VCP: variants seen among roughly 807,000 people sequenced by gnomAD.
VCP encodes valosin containing protein.
A neutral mutation model predicts 85.7 loss-of-function variants in VCP; 6 were observed. That is an observed-to-expected ratio of 0.07 (90% CI 0.04 to 0.14). The LOEUF (loss-of-function observed/expected upper bound fraction) is 0.14. Among genes scored for constraint, VCP ranks in the 10% least tolerant of loss-of-function variants. VCP has a pLI of 1.00. For missense variants in VCP, 353 were observed against 1,043.4 expected (o/e 0.34, Z 9.12); for synonymous variants, 384 against 367.1 (o/e 1.05, Z -0.53).
Position 35,061,775 on chromosome 9 carries a change from A to T in VCP, c.1082-86T>A, listed in dbSNP as rs914799892. The T allele has an allele frequency of 1.0e-5, 14 of 1,389,912 alleles. No individual in the cohort carries two copies. The African/African-American group carries it at 1.8e-4, about 18-fold the overall frequency. The allele number at this position is 1,389,912 out of a possible 1,614,324, so 86.1% of individuals were successfully genotyped here. Reference sequence around the variant, plus strand: ...CCTAGGGTGACCAACCATCTCAGCCAGCACAGGATTGTCCTAATGCCAGCA... The same window carrying T: ...CCTAGGGTGACCAACCATCTCAGCCTGCACAGGATTGTCCTAATGCCAGCA... On this transcript the variant is annotated intron_variant, in intron 9 of 16. Coordinates refer to ENST00000358901, the MANE Select transcript of VCP (RefSeq NM_007126.5).
At chr9:35,069,445 T>G (rs1218166819) in intron 1 of VCP, among the ~76,000 whole-genome samples, 3 of 46,338 alleles carry the variant, frequency 6.5e-5, no homozygotes, top group Admixed American at 3.7e-4. Flanking sequence ...TCCCTCTCCC[T>G]TTTTTTTTTT....
chr9:35,068,902 T>C (rs1587131425), intron 1 of VCP, among the ~76,000 whole-genome samples: 2 of 152,194 alleles, frequency 1.3e-5, no homozygotes, highest in Admixed American at 1.3e-4. Flanking sequence ...ATGCTTAACA[T>C]AATACCTGGC....
intron 15 of VCP, among the ~76,000 whole-genome samples, chr9:35,058,183 T>C (rs1311247657): frequency 6.6e-6 from 1 of 152,078 alleles, no homozygotes; most frequent in African/African-American, 2.4e-5. Flanking sequence ...CTTATGTGAC[T>C]ACCTCCTAGG....
intron 7 of VCP, 100 bp from the exon 8 acceptor site, chr9:35,062,450 G>A: frequency 1.9e-6 from 3 of 1,577,654 alleles, no homozygotes; most frequent in Non-Finnish European, 2.6e-6. Flanking sequence ...GACAGGTCCT[G>A]GGTGAGAAGG....
At chr9:35,068,136 T>C in intron 2 of VCP, 73 bp from the exon 3 acceptor site, 1 of 1,611,100 alleles carries the variant, frequency 6.2e-7, no homozygotes, top group Non-Finnish European at 8.5e-7. Context: ...GAGATTGGGA[T>C]TCCCAGTAAA....
At position 35,061,486 on chromosome 9, in the gene VCP, C is replaced by A. The variant is rs566977748; in HGVS notation, c.1194+91G>T. The A allele has an allele frequency of 5.0e-5, 63 of 1,260,078 alleles. No individual in the cohort carries two copies. The African/African-American group carries it at 8.2e-4, about 16-fold the overall frequency. 78.1% of individuals were successfully genotyped at this position (1,260,078 alleles called of 1,614,324 possible). A position where few individuals can be genotyped will look rare whatever the true frequency, so the allele number is the denominator to read the frequency against. On this transcript the variant is annotated intron_variant, in intron 10 of 16. Transcript: ENST00000358901. ...CCCCTGTCCAGAAATCAAAACCCAT[C>A]TCCTCACATCTTAACCTTATGTCTC...
chr9:35,058,968 CT>C, intron 15 of VCP, 95 bp downstream of exon 15: 1 of 1,550,918 alleles, frequency 6.4e-7, no homozygotes, highest in Non-Finnish European at 8.8e-7. Context: ...GTTAGATGAT[CT>C]TTCCAACAGC....
chr9:35,068,459 G>A, intron 1 of VCP, 97 bp from the exon 2 acceptor site: 1 of 1,104,442 alleles, frequency 9.1e-7, no homozygotes, highest in Non-Finnish European at 1.4e-6. Context: ...AATAGATGAA[G>A]CTGTCCCTAG....
At chr9:35,068,510 A>C (rs1587131026) in intron 1 of VCP, 148 bp from the exon 2 acceptor site, 1 of 762,004 alleles carries the variant, frequency 1.3e-6, no homozygotes, top group East Asian at 2.5e-5. Flanking sequence ...CAAGGTCACG[A>C]GGAGCAGTAT....
intron 6 of VCP, among the ~76,000 whole-genome samples, chr9:35,063,291 T>C (rs1828762655): frequency 6.6e-6 from 1 of 152,194 alleles, no homozygotes; most frequent in South Asian, 2.1e-4. Flanking sequence ...GTGGGCAACA[T>C]TTATGATTGC....
chr9:35,061,259 C>G, intron 10 of VCP, 80 bp from the exon 11 acceptor site: 1 of 1,582,716 alleles, frequency 6.3e-7, no homozygotes, highest in Non-Finnish European at 8.6e-7. Context: ...GAATCCTTCC[C>G]CTGACTGCTA....
In VCP at chr9:35,072,549, C is replaced by G. The variant is rs1828981767; in HGVS notation, c.-196G>C. The stretch of plus-strand genomic sequence containing the variant: ...GGGCGAACAACGCTGGCTCCTGATC[C>G]GCGAGGTGGCAGTGGCAGTGGCAGC... On this transcript the variant is annotated 5_prime_UTR_variant, in exon 1 of 17. Transcript: ENST00000358901. 3.2e-6 allele frequency: 2 copies of G among 620,602 alleles called. No individual in the cohort carries two copies. Among genetic ancestry groups the G allele is most frequent in the African/African-American group, 2.0e-5 (1 of 51,066 alleles). The allele number at this position is 620,602 out of a possible 1,614,324, so 38.4% of individuals were successfully genotyped here.
chr9:35,067,842 G>C (rs761954247), intron 3 of VCP, 49 bp downstream of exon 3: 2 of 1,612,542 alleles, frequency 1.2e-6, no homozygotes, highest in Non-Finnish European at 1.7e-6. Flanking sequence ...CTGTAATGCA[G>C]GCTATCTCTG....
chr9:35,061,803 A>T (rs1304928317), intron 9 of VCP, 114 bp from the exon 10 acceptor site: 1 of 1,386,262 alleles, frequency 7.2e-7, no homozygotes, highest in Admixed American at 1.7e-5. Flanking sequence ...TGCCAGCACT[A>T]AAAAAGTCTC....
Position 35,060,935 on chromosome 9 carries a change from G to A in VCP, c.1360-12C>T, listed in dbSNP as rs949886024. On this transcript the variant is annotated splice_polypyrimidine_tract_variant and intron_variant, in intron 11 of 16. Transcript: ENST00000358901. The stretch of plus-strand genomic sequence containing the variant: ...TGGCTCAAGGCCCACTAGAAAAGGA[G>A]GGAAAACTGGGGATGAGACTTATCA... The A allele has an allele frequency of 1.2e-5, 19 of 1,614,072 alleles. No individual in the cohort carries two copies. Among genetic ancestry groups the A allele is most frequent in the Middle Eastern group, 1.6e-4 (1 of 6,082 alleles).
chr9:35,071,182 G>A (rs148671749), intron 1 of VCP, among the ~76,000 whole-genome samples: 2 of 151,716 alleles, frequency 1.3e-5, no homozygotes, highest in African/African-American at 4.8e-5. Context: ...ATAAGCAACT[G>A]AGTAATACTT....
intron 5 of VCP, among the ~76,000 whole-genome samples, 190 bp from the exon 6 acceptor site, chr9:35,064,475 C>A (rs1828789308): frequency 1.3e-5 from 2 of 152,094 alleles, no homozygotes; most frequent in African/African-American, 4.8e-5. Flanking sequence ...TGCTTGAGTC[C>A]AGGAGTTCCT....
At chr9:35,066,402 C>T (rs921652534) in intron 4 of VCP, among the ~76,000 whole-genome samples, 1 of 151,042 alleles carries the variant, frequency 6.6e-6, no homozygotes, top group Non-Finnish European at 1.5e-5. Flanking sequence ...GCTGGGATTA[C>T]AGGTGCCCAC....
At chr9:35,068,513 A>C (rs373870246) in intron 1 of VCP, 151 bp from the exon 2 acceptor site, 1 of 750,766 alleles carries the variant, frequency 1.3e-6, no homozygotes, top group Non-Finnish European at 2.4e-6. Flanking sequence ...GGTCACGAGG[A>C]GCAGTATCTA....
Sources: allele counts gnomAD v4.1 joint callset (sites outside exome capture counted in the v4.1 genomes callset), GRCh38; gene constraint gnomAD v4.1.1; transcripts MANE v1.5; gene names NCBI Gene and HGNC (gene_info 2026-07-23, HGNC 2026-07-21).